Variants in LOC400499 observed in about 807,000 individuals in gnomAD.
At chr16:11,491,126 G>C in the LOC400499 span, among the ~76,000 whole-genome samples, 2 of 152,188 alleles carry the variant, frequency 1.3e-5, no homozygotes, top group African/African-American at 4.8e-5. Context: ...GCTCACAAAG[G>C]TTTACTTACT....
At chr16:11,448,421 G>A in the LOC400499 span, among the ~76,000 whole-genome samples, 1 of 152,320 alleles carries the variant, frequency 6.6e-6, no homozygotes, top group East Asian at 1.9e-4. Flanking sequence ...GCTCATGCCT[G>A]TAATCCCAAC....
chr16:11,509,979 T>C, the LOC400499 span, among the ~76,000 whole-genome samples: 3 of 146,990 alleles, frequency 2.0e-5, no homozygotes, highest in South Asian at 4.4e-4. Flanking sequence ...ATTTTAACCG[T>C]GTCCTTTTGT....
chr16:11,396,767 C>CATT, the LOC400499 span: 4 of 1,073,154 alleles, frequency 3.7e-6, no homozygotes, highest in Non-Finnish European at 4.7e-6. Flanking sequence ...GCAGCAGCTG[C>CATT]CACCTCCCAG....
the LOC400499 span, among the ~76,000 whole-genome samples, chr16:11,482,007 T>G: frequency 9.2e-5 from 14 of 152,316 alleles, no homozygotes; most frequent in African/African-American, 3.1e-4. Flanking sequence ...ATGCGGTGAA[T>G]GATTCCATTT....
chr16:11,392,291 C>A, the LOC400499 span: 1 of 387,002 alleles, frequency 2.6e-6, no homozygotes, highest in Non-Finnish European at 4.5e-6. Flanking sequence ...AACCCCTTCC[C>A]TGTGTCCCAG....
the LOC400499 span, chr16:11,384,265 G>T: frequency 8.1e-7 from 1 of 1,232,338 alleles, no homozygotes; most frequent in Non-Finnish European, 1.0e-6. Context: ...AGAGCCATCC[G>T]GCAACATCAG....
At chr16:11,374,786 T>C in the LOC400499 span, among the ~76,000 whole-genome samples, 1 of 152,214 alleles carries the variant, frequency 6.6e-6, no homozygotes, top group Non-Finnish European at 1.5e-5. Flanking sequence ...CATCGGTGTA[T>C]AAATGTGTGA....
the LOC400499 span, among the ~76,000 whole-genome samples, chr16:11,426,550 T>G: frequency 1.3e-5 from 2 of 152,080 alleles, no homozygotes; most frequent in African/African-American, 4.8e-5. Context: ...GGTAAGAATT[T>G]TTACTCTTAG....
chr16:11,407,476 C>A, the LOC400499 span: 3 of 395,802 alleles, frequency 7.6e-6, no homozygotes, highest in South Asian at 1.4e-4. Flanking sequence ...ACCCACAACT[C>A]CCTGGGCTGG....
At chr16:11,470,657 G>C in the LOC400499 span, 3 of 152,284 alleles carry the variant, frequency 2.0e-5, no homozygotes, top group African/African-American at 7.2e-5. Flanking sequence ...CATGAGACAC[G>C]CAGTGCCCGA....
the LOC400499 span, among the ~76,000 whole-genome samples, chr16:11,459,541 T>C: frequency 6.6e-6 from 1 of 152,162 alleles, no homozygotes; most frequent in African/African-American, 2.4e-5. Flanking sequence ...ATGTGTGCTG[T>C]GTAAGAACCA....
chr16:11,515,983 G>C, the LOC400499 span: 1 of 399,796 alleles, frequency 2.5e-6, no homozygotes, highest in Non-Finnish European at 4.4e-6. Context: ...TGCGCAGGGA[G>C]CACCGTGCCA....
the LOC400499 span, chr16:11,425,107 C>G: frequency 2.5e-6 from 1 of 398,898 alleles, no homozygotes; most frequent in African/African-American, 2.1e-5. Flanking sequence ...GCTGTTCTGC[C>G]TGGACCACTC....
At chr16:11,481,511 C>T in the LOC400499 span, among the ~76,000 whole-genome samples, 3 of 152,110 alleles carry the variant, frequency 2.0e-5, no homozygotes, top group Admixed American at 1.3e-4. Flanking sequence ...TCAGTAGAGA[C>T]GGGGTTTCAC....
At chr16:11,381,337 C>G in the LOC400499 span, among the ~76,000 whole-genome samples, 1 of 152,102 alleles carries the variant, frequency 6.6e-6, no homozygotes, top group Non-Finnish European at 1.5e-5. Flanking sequence ...CTCCTGGGTT[C>G]AAGCAATCTC....
the LOC400499 span, among the ~76,000 whole-genome samples, chr16:11,403,426 C>CATGCACACACGTGCATGT: frequency 6.6e-6 from 1 of 152,218 alleles, no homozygotes; most frequent in African/African-American, 2.4e-5. Context: ...CACACACAGG[C>CATGCACACACGTGCATGT]ATGCACACAC....
chr16:11,491,260 T>C, the LOC400499 span, among the ~76,000 whole-genome samples: 1 of 152,198 alleles, frequency 6.6e-6, no homozygotes, highest in Non-Finnish European at 1.5e-5. Flanking sequence ...ACTTATTTTT[T>C]TGAATTTACA....
At chr16:11,470,064 A>C in the LOC400499 span, among the ~76,000 whole-genome samples, 1 of 151,832 alleles carries the variant, frequency 6.6e-6, no homozygotes, top group Non-Finnish European at 1.5e-5. Context: ...CAACAAGCCC[A>C]GTTTTTTTTT....
At chr16:11,485,222 G>T in the LOC400499 span, 2 of 397,306 alleles carry the variant, frequency 5.0e-6, no homozygotes, top group Non-Finnish European at 8.9e-6. Context: ...GAGGTTCGGG[G>T]ACACAACCTT....
Sources: gnomAD v4.1 joint callset for allele counts (sites outside exome capture counted in the v4.1 genomes callset) on GRCh38, gnomAD v4.1.1 for gene constraint, MANE v1.5 for transcripts.